The following TXNRD2 variants were observed in gnomAD, a reference collection of about 807,000 sequenced individuals.
TXNRD2 encodes the protein thioredoxin reductase 2.
A neutral mutation model predicts 70.8 loss-of-function variants in TXNRD2; 67 were observed. That is an observed-to-expected ratio of 0.95 (90% confidence interval 0.78 to 1.16). The LOEUF is 1.16. TXNRD2 is among the 50% of genes most tolerant of loss of function. TXNRD2 has a pLI of 0.00. For synonymous variants in TXNRD2, 301 were observed against 295.8 expected (o/e 1.02, Z -0.18); for missense variants, 644 against 719.9 (o/e 0.89, Z 1.21).
At chr22:19,900,978 G>A (rs1177123813) in intron 8 of TXNRD2, among the ~76,000 whole-genome samples, 1 of 152,220 alleles carries the variant, frequency 6.6e-6, no homozygotes, top group Non-Finnish European at 1.5e-5. Flanking sequence ...GGGCAGCTGG[G>A]CCCCTGCACG....
At position 19,877,232 on chromosome 22, in the gene TXNRD2, C is replaced by G; in HGVS notation, c.1448G>C (p.Cys483Ser). Residue 483 changes from cysteine (C) to serine (S), a missense_variant and splice_region_variant, in exon 17 of 18, where the codon TGT becomes TCT. This residue lies in a region of TXNRD2 where 566 missense variants were observed against 645.0 expected (regional missense o/e 0.88). Coordinates refer to ENST00000400521, the MANE Select transcript of TXNRD2 (RefSeq NM_006440.5). ...VTQGFALGIK[C>S]GASYAQVMRT... Reference sequence around the variant, plus strand: ...CATCACCTGCGCATAGGAAGCCCCACACCTGCACATGGGGGATGGGGGAGG... The same window carrying G: ...CATCACCTGCGCATAGGAAGCCCCAGACCTGCACATGGGGGATGGGGGAGG... 1 of 1,609,456 alleles carries G rather than the reference C, an allele frequency of 6.2e-7. No homozygotes were observed. The highest frequency in any genetic ancestry group is 8.5e-7 in the Non-Finnish European group (1 of 1,177,134).
At position 19,915,247 on chromosome 22, in the gene TXNRD2, AATG is replaced by A; in HGVS notation, c.555_557del (p.Ile186del). 6.2e-7 allele frequency: 1 copy of A among 1,613,938 alleles called. No individual in the cohort carries two copies. Among genetic ancestry groups the A allele is most frequent in the South Asian group, 1.1e-5 (1 of 90,978 alleles). On this transcript the variant is annotated inframe_deletion, in exon 7 of 18. Transcript: ENST00000400521. ...GGTATCTCGGCCGCCCTCCAGTAGC[AATG>A]ATGATGTGATCGGCTGACAGCAGAA...
At chr22:19,896,815 G>A (rs954024425) in intron 10 of TXNRD2, among the ~76,000 whole-genome samples, 2 of 152,118 alleles carry the variant, frequency 1.3e-5, no homozygotes, top group African/African-American at 4.8e-5. Context: ...AGTCTGGCCC[G>A]CCGGGCAGGG....
At chr22:19,891,977 G>A (rs953774871) in intron 11 of TXNRD2, among the ~76,000 whole-genome samples, 4 of 152,246 alleles carry the variant, frequency 2.6e-5, no homozygotes, top group Non-Finnish European at 4.4e-5. Context: ...CCAGGCACAC[G>A]GGCAACGGGC....
At chr22:19,926,373 C>T (rs1295868305) in intron 2 of TXNRD2, among the ~76,000 whole-genome samples, 1 of 151,202 alleles carries the variant, frequency 6.6e-6, no homozygotes, top group Non-Finnish European at 1.5e-5. Flanking sequence ...GCCTGTGGTC[C>T]CAGCTACTTG....
At chr22:19,903,799 G>A (rs772191479) in intron 8 of TXNRD2, among the ~76,000 whole-genome samples, 3 of 152,220 alleles carry the variant, frequency 2.0e-5, no homozygotes, top group Non-Finnish European at 4.4e-5. Context: ...GGCTTGCTCT[G>A]TGGAATGGAA....
At chr22:19,940,137 C>T (rs907667922) in intron 1 of TXNRD2, among the ~76,000 whole-genome samples, 2 of 145,956 alleles carry the variant, frequency 1.4e-5, no homozygotes, top group African/African-American at 2.5e-5. Flanking sequence ...CCCAGCTACT[C>T]GGGAGGCTGA....
At chr22:19,897,623 C>A (rs898040819) in intron 10 of TXNRD2, among the ~76,000 whole-genome samples, 2 of 152,202 alleles carry the variant, frequency 1.3e-5, no homozygotes, top group Non-Finnish European at 2.9e-5. Context: ...CCAGCTCACA[C>A]ATTACAGCTT....
chr22:19,907,075 A>G (rs574236323), intron 8 of TXNRD2, among the ~76,000 whole-genome samples: 108 of 89,382 alleles, frequency 1.2e-3, no homozygotes, highest in African/African-American at 4.6e-3. Flanking sequence ...GATAGCAGTG[A>G]CGGCTCTCAG....
chr22:19,933,406 C>A (rs1297312481), intron 1 of TXNRD2: 1 of 1,279,584 alleles, frequency 7.8e-7, no homozygotes, highest in Non-Finnish European at 1.0e-6. Context: ...TGCCTGGTAG[C>A]CGGAAGCTTT....
chr22:19,895,213 A>G (rs761370578), intron 11 of TXNRD2, 194 bp downstream of exon 11: 14 of 1,597,924 alleles, frequency 8.8e-6, no homozygotes, highest in Non-Finnish European at 1.2e-5. Context: ...GGGGATGGCA[A>G]GATGGGCACA....
In TXNRD2 at chr22:19,880,630, A is replaced by G. The variant is rs201971987; in HGVS notation, c.1174T>C (p.Tyr392His). The G allele has an allele frequency of 7.9e-4, 1,270 of 1,613,216 alleles. No homozygotes were observed. Among genetic ancestry groups the G allele is most frequent in the Non-Finnish European group, 1.0e-3 (1,197 of 1,179,936 alleles). The part of the protein sequence containing the change: ...LFGGSSDLMD[Y>H]DNVPTTVFTP... ...CCTGCTAGAGAACTCACATTGTCGT[A>G]GTCCATCAGATCTGAGGACCCGCCG... The change falls in exon 13 of 18, where the codon TAC (tyrosine) becomes CAC (histidine). Residue 392 changes from tyrosine to histidine, a missense_variant. By Grantham distance (83) the Tyr-to-His change is moderately conservative. Coordinates refer to ENST00000400521, the MANE Select transcript of TXNRD2 (RefSeq NM_006440.5).
intron 2 of TXNRD2, among the ~76,000 whole-genome samples, chr22:19,929,462 C>T (rs1326771577): frequency 6.6e-6 from 1 of 152,130 alleles, no homozygotes; most frequent in Admixed American, 6.5e-5. Flanking sequence ...CACGCCACTG[C>T]ACTCCAGCCT....
chr22:19,931,130 G>A (rs765192132), intron 1 of TXNRD2, 32 bp from the exon 2 acceptor site: 9 of 1,601,706 alleles, frequency 5.6e-6, no homozygotes, highest in Non-Finnish European at 7.7e-6. Context: ...GGGACGGACT[G>A]TCTGTCTGGT....
At chr22:19,911,308 G>C in intron 8 of TXNRD2, 69 bp downstream of exon 8, 1 of 1,276,616 alleles carries the variant, frequency 7.8e-7, no homozygotes. Flanking sequence ...CACCAGCACA[G>C]GCTCTAAGGG....
At chr22:19,908,591 T>A (rs1940177685) in intron 8 of TXNRD2, among the ~76,000 whole-genome samples, 1 of 152,214 alleles carries the variant, frequency 6.6e-6, no homozygotes, top group South Asian at 2.1e-4. Flanking sequence ...AGGATGGAGG[T>A]TCCTCAAGAC....
intron 1 of TXNRD2, chr22:19,932,418 AG>A: frequency 1.2e-6 from 2 of 1,612,538 alleles, no homozygotes; most frequent in East Asian, 4.5e-5. Context: ...AGCCTGCAAA[AG>A]GTGTCATCGT....
intron 3 of TXNRD2, 129 bp from the exon 4 acceptor site, chr22:19,919,133 C>T (rs1940777637): frequency 1.3e-6 from 1 of 799,650 alleles, no homozygotes; most frequent in African/African-American, 1.7e-5. Context: ...TGACATGCCA[C>T]ACGAATCTGC....
chr22:19,909,499 TCA>T (rs577457850), intron 8 of TXNRD2, among the ~76,000 whole-genome samples: 30 of 141,410 alleles, frequency 2.1e-4, no homozygotes, highest in South Asian at 6.7e-4. Flanking sequence ...GACACACCAC[TCA>T]CACACACACA....
Sources: gnomAD v4.1 joint callset for allele counts (sites outside exome capture counted in the v4.1 genomes callset) on GRCh38, gnomAD v4.1.1 for gene constraint, gnomAD v4.1.1 regional missense constraint, MANE v1.5 for transcripts, NCBI Gene and HGNC (gene_info 2026-07-23, HGNC 2026-07-21) for gene names.